SDCBP: variants seen among roughly 807,000 people sequenced by gnomAD.
The protein encoded by SDCBP is syndecan binding protein.
In SDCBP, 22 loss-of-function variants were observed where a neutral mutation model predicts 30.5. That is an observed-to-expected ratio of 0.72 (90% CI 0.52 to 1.03). SDCBP has a LOEUF of 1.03. Among genes scored for constraint, SDCBP ranks in the 50% least tolerant of loss-of-function variants. SDCBP has a pLI of 0.00. For synonymous variants in SDCBP, 103 were observed against 118.7 expected, an observed-to-expected ratio of 0.87 and a Z score of 0.86; for missense variants, 304 against 369.9, an observed-to-expected ratio of 0.82 and a Z score of 1.46.
chr8:58,572,177 CT>C, intron 3 of SDCBP, 27 bp from the exon 4 acceptor site: 1 of 1,401,668 alleles, frequency 7.1e-7, no homozygotes, highest in South Asian at 1.2e-5. Context: ...TCTGTAAGTG[CT>C]TTTTAATTTA....
At chr8:58,572,078 A>G (rs1211564198) in intron 3 of SDCBP, 127 bp from the exon 4 acceptor site, 1 of 601,398 alleles carries the variant, frequency 1.7e-6, no homozygotes, top group African/African-American at 1.9e-5. Flanking sequence ...CCAAATTGCT[A>G]CTTTAAATTC....
At chr8:58,556,195 A>G (rs1804091191) in intron 1 of SDCBP, among the ~76,000 whole-genome samples, 1 of 152,232 alleles carries the variant, frequency 6.6e-6, no homozygotes, top group Non-Finnish European at 1.5e-5. Flanking sequence ...TTCATGGAAG[A>G]CAGTTTTTCC....
chr8:58,556,877 ATATATT>A, intron 1 of SDCBP, among the ~76,000 whole-genome samples: 1 of 144,228 alleles, frequency 6.9e-6, no homozygotes, highest in East Asian at 2.0e-4. Context: ...TATAATACAT[ATATATT>A]ATAATACGTA....
rs377464203 is a variant in SDCBP at position 58,557,619 on chromosome 8, T to C, written c.-16+4316T>C. ...AGTTACTTCTGAGGCCTGAGATACA[T>C]TGGGTGTAGGGGCCTTTCATAATGC... On this transcript the variant is annotated intron_variant, in intron 1 of 8. Transcript: ENST00000260130. 2.9e-4 allele frequency among the ~76,000 whole-genome samples: 44 copies of C among 151,732 alleles called. 1 individual carries two copies. The highest frequency in any genetic ancestry group is 9.2e-4 in the African/African-American group (38 of 41,374).
chr8:58,576,072 T>C lies in SDCBP; in HGVS notation c.402+11T>C. 1 of 1,571,582 alleles carries C rather than the reference T, an allele frequency of 6.4e-7. No individual in the cohort carries two copies. The highest frequency in any genetic ancestry group is 8.7e-7 in the Non-Finnish European group (1 of 1,143,212). ...AAATCAATAGATAATGTAAGTATTT[T>C]AAATACCTATTTGAATTTGTCTAAA... On this transcript the variant is annotated intron_variant, in intron 5 of 8. Coordinates refer to ENST00000260130, the MANE Select transcript of SDCBP (RefSeq NM_005625.4).
chr8:58,579,540 T>C (rs1805553685), intron 6 of SDCBP, 83 bp from the exon 7 acceptor site: 1 of 1,026,130 alleles, frequency 9.7e-7, no homozygotes, highest in African/African-American at 1.7e-5. Context: ...AAGTATCCAA[T>C]ATGGCAACAT....
chr8:58,565,185 C>A, intron 2 of SDCBP, 101 bp downstream of exon 2: 1 of 514,432 alleles, frequency 1.9e-6, no homozygotes, highest in Admixed American at 3.8e-5. Flanking sequence ...TATATTTGTT[C>A]ATTTTTACAC....
At chr8:58,565,141 T>C (rs1439313318) in intron 2 of SDCBP, 57 bp downstream of exon 2, 4 of 859,134 alleles carry the variant, frequency 4.7e-6, no homozygotes, top group Non-Finnish European at 1.8e-6. Context: ...ATTCTACTTA[T>C]AGGTGAAATA....
chr8:58,567,221 T>C (rs1804747538), intron 2 of SDCBP, among the ~76,000 whole-genome samples: 3 of 152,216 alleles, frequency 2.0e-5, no homozygotes, highest in Admixed American at 2.0e-4. Context: ...TTACATCCTT[T>C]TGTTTCATTT....
chr8:58,567,059 G>T (rs952361943), intron 2 of SDCBP, among the ~76,000 whole-genome samples: 1 of 152,168 alleles, frequency 6.6e-6, no homozygotes, highest in Admixed American at 6.5e-5. Context: ...CTACAAGCAT[G>T]TTTTTTCCAC....
At chr8:58,561,736 GTA>G in intron 1 of SDCBP, 1 of 681,958 alleles carries the variant, frequency 1.5e-6, no homozygotes, top group Non-Finnish European at 2.6e-6. Context: ...CAACATGAAA[GTA>G]TAAAATTAAA....
intron 4 of SDCBP, among the ~76,000 whole-genome samples, chr8:58,573,914 T>C (rs1216471539): frequency 6.6e-6 from 1 of 152,238 alleles, no homozygotes. Flanking sequence ...AACAACTTTA[T>C]AGTTTCTCCT....
At chr8:58,556,932 ATAT>A (rs1235940540) in intron 1 of SDCBP, among the ~76,000 whole-genome samples, 28 of 126,530 alleles carry the variant, frequency 2.2e-4, no homozygotes, top group Non-Finnish European at 3.8e-4. Context: ...TATATAATAT[ATAT>A]TATTTATGAA....
chr8:58,572,722 C>G (rs1242885713), intron 4 of SDCBP, among the ~76,000 whole-genome samples: 2 of 151,306 alleles, frequency 1.3e-5, no homozygotes, highest in Non-Finnish European at 2.9e-5. Context: ...TAACTTATTT[C>G]AGACAGTACT....
chr8:58,576,212 T>C lies in SDCBP; in HGVS notation c.402+151T>C, dbSNP rs555762871. On this transcript the variant is annotated intron_variant, in intron 5 of 8. Coordinates refer to ENST00000260130, the MANE Select transcript of SDCBP (RefSeq NM_005625.4). ...AATCTACTAACTTAAATGTTTTCAATTGGGGATGTTCTATTTTGCAGAGGC... is the reference window on the plus strand; with the variant it reads ...AATCTACTAACTTAAATGTTTTCAACTGGGGATGTTCTATTTTGCAGAGGC... 43 of 642,740 alleles carry C rather than the reference T, an allele frequency of 6.7e-5. No homozygotes were observed. The East Asian group carries it at 7.6e-4, about 11-fold the overall frequency. The allele number at this position is 642,740 out of a possible 1,614,324, so 39.8% of individuals were successfully genotyped here. A position where few individuals can be genotyped will look rare whatever the true frequency, so the allele number is the denominator to read the frequency against.
intron 2 of SDCBP, among the ~76,000 whole-genome samples, chr8:58,568,925 C>T (rs542713958): frequency 3.3e-5 from 5 of 152,174 alleles, no homozygotes; most frequent in Non-Finnish European, 7.3e-5. Context: ...CGCTCTGTTG[C>T]CCAGGCTGGA....
chr8:58,573,365 A>G (rs150517193), intron 4 of SDCBP, among the ~76,000 whole-genome samples: 2 of 152,316 alleles, frequency 1.3e-5, no homozygotes, highest in African/African-American at 4.8e-5. Flanking sequence ...GTGGTGATGC[A>G]GTTGGGAAAA....
At chr8:58,565,545 AAGTGT>A (rs1287353117) in intron 2 of SDCBP, among the ~76,000 whole-genome samples, 4 of 152,254 alleles carry the variant, frequency 2.6e-5, no homozygotes, top group South Asian at 4.1e-4. Flanking sequence ...AGCACAGGGA[AAGTGT>A]AGTGATTTCT....
At chr8:58,563,657 A>G (rs750771023) in intron 1 of SDCBP, among the ~76,000 whole-genome samples, 1 of 152,218 alleles carries the variant, frequency 6.6e-6, no homozygotes, top group African/African-American at 2.4e-5. Flanking sequence ...ACACAGAATT[A>G]CTAGTTATAA....
Sources: gnomAD v4.1 joint callset for allele counts (sites outside exome capture counted in the v4.1 genomes callset) on GRCh38, gnomAD v4.1.1 for gene constraint, MANE v1.5 for transcripts, NCBI Gene and HGNC (gene_info 2026-07-23, HGNC 2026-07-21) for gene names.